SGCZ: variants seen among roughly 807,000 people sequenced by gnomAD.
SGCZ encodes the protein sarcoglycan zeta.
Under a neutral mutation model 41.3 loss-of-function variants are expected in SGCZ, and 40 were observed. The ratio of observed to expected loss-of-function variants is 0.97; its 90% confidence interval spans 0.75 to 1.26. The LOEUF (loss-of-function observed/expected upper bound fraction) is 1.26, where lower values mean the gene tolerates loss of function less well. Ranked by LOEUF, SGCZ falls within the 50% of genes most tolerant of loss-of-function variation. SGCZ has a pLI of 0.00. For synonymous variants in SGCZ, 206 were observed against 137.5 expected, an observed-to-expected ratio of 1.50 and a Z score of -3.49; for missense variants, 552 against 369.8, an observed-to-expected ratio of 1.49 and a Z score of -4.04.
chr8:14,748,249 G>A (rs954097149), intron 1 of SGCZ, among the ~76,000 whole-genome samples: 3 of 152,230 alleles, frequency 2.0e-5, no homozygotes, highest in South Asian at 2.1e-4. Context: ...TCATGTTACA[G>A]TTGAAGAATT....
chr8:14,435,403 T>C (rs776932918), intron 2 of SGCZ, among the ~76,000 whole-genome samples: 1 of 152,162 alleles, frequency 6.6e-6, no homozygotes, highest in Non-Finnish European at 1.5e-5. Flanking sequence ...ACTGAAGCAA[T>C]AGTCACATAG....
At chr8:14,413,292 G>C (rs1360164991) in intron 2 of SGCZ, among the ~76,000 whole-genome samples, 2 of 151,942 alleles carry the variant, frequency 1.3e-5, no homozygotes, top group African/African-American at 2.4e-5. Flanking sequence ...AGGAAGTTCA[G>C]AACACACGTT....
intron 4 of SGCZ, among the ~76,000 whole-genome samples, chr8:14,226,490 G>A (rs896033101): frequency 6.6e-6 from 1 of 152,028 alleles, no homozygotes; most frequent in African/African-American, 2.4e-5. Context: ...CATACAGTAT[G>A]TAAACTGCCA....
intron 1 of SGCZ, among the ~76,000 whole-genome samples, chr8:14,613,329 T>C (rs1183279218): frequency 6.6e-6 from 1 of 152,210 alleles, no homozygotes; most frequent in African/African-American, 2.4e-5. Context: ...TGAAGGAAAC[T>C]AGTAAGTTTA....
chr8:14,094,978 G>T (rs1232397056), intron 7 of SGCZ, among the ~76,000 whole-genome samples: 1 of 151,068 alleles, frequency 6.6e-6, no homozygotes, highest in African/African-American at 2.4e-5. Context: ...CTTTTTGATG[G>T]TTTTTTTTTC....
chr8:14,870,659 A>G (rs1431761524), intron 1 of SGCZ, among the ~76,000 whole-genome samples: 3 of 152,018 alleles, frequency 2.0e-5, no homozygotes, highest in South Asian at 2.1e-4. Flanking sequence ...AACCTACAGA[A>G]TGGGAGAAAA....
At chr8:14,224,075 T>C (rs1290599082) in intron 4 of SGCZ, among the ~76,000 whole-genome samples, 1 of 152,196 alleles carries the variant, frequency 6.6e-6, no homozygotes, top group African/African-American at 2.4e-5. Flanking sequence ...ATAAAGCACA[T>C]CTTTGACACT....
At chr8:14,536,915 G>T (rs1803314298) in intron 2 of SGCZ, among the ~76,000 whole-genome samples, 1 of 151,866 alleles carries the variant, frequency 6.6e-6, no homozygotes, top group Non-Finnish European at 1.5e-5. Context: ...TTCATCACTA[G>T]GAAGCTATAA....
At chr8:14,596,044 G>C (rs895270458) in intron 1 of SGCZ, among the ~76,000 whole-genome samples, 1 of 152,160 alleles carries the variant, frequency 6.6e-6, no homozygotes, top group African/African-American at 2.4e-5. Flanking sequence ...AATAATGAGA[G>C]GAATAAAACC....
chr8:14,412,577 T>G (rs1799389171), intron 2 of SGCZ, among the ~76,000 whole-genome samples: 1 of 152,084 alleles, frequency 6.6e-6, no homozygotes, highest in African/African-American at 2.4e-5. Context: ...ATACTCTGCA[T>G]TAACTTTAAG....
intron 2 of SGCZ, among the ~76,000 whole-genome samples, chr8:14,415,575 T>C (rs1471339): frequency 0.88 from 133,729 of 151,942 alleles, 59,357 homozygotes; most frequent in Non-Finnish European, 0.94. Context: ...AACATTACAG[T>C]AAGTGAGACA....
At chr8:14,901,455 T>TAG (rs1798966076) in intron 1 of SGCZ, among the ~76,000 whole-genome samples, 1 of 152,156 alleles carries the variant, frequency 6.6e-6, no homozygotes, top group African/African-American at 2.4e-5. Context: ...GCGTATACGT[T>TAG]TTTCCTTTCA....
intron 1 of SGCZ, among the ~76,000 whole-genome samples, chr8:14,819,413 G>T (rs1328998211): frequency 1.3e-5 from 2 of 152,018 alleles, no homozygotes; most frequent in African/African-American, 4.8e-5. Flanking sequence ...TCATCCCATT[G>T]TCTCCTAGCC....
At chr8:14,439,875 A>G (rs2117363885) in intron 2 of SGCZ, among the ~76,000 whole-genome samples, 1 of 152,064 alleles carries the variant, frequency 6.6e-6, no homozygotes, top group East Asian at 1.9e-4. Context: ...ATTCAGTCAC[A>G]TTTTCACAGT....
intron 1 of SGCZ, among the ~76,000 whole-genome samples, chr8:15,077,592 C>T (rs537724684): frequency 9.5e-4 from 144 of 152,248 alleles, no homozygotes; most frequent in African/African-American, 3.4e-3. Flanking sequence ...ATAACTTTAA[C>T]CTCCTTGTAT....
At chr8:14,114,391 TG>T (rs983281343) in intron 5 of SGCZ, among the ~76,000 whole-genome samples, 8 of 152,016 alleles carry the variant, frequency 5.3e-5, no homozygotes, top group Non-Finnish European at 4.4e-5. Flanking sequence ...TTTTTTCTAG[TG>T]AAACAGGGAA....
intron 2 of SGCZ, among the ~76,000 whole-genome samples, chr8:14,544,156 A>G (rs115455678): frequency 0.084 from 12,735 of 152,110 alleles, 1,753 homozygotes; most frequent in African/African-American, 0.29. Flanking sequence ...AAATTCTGAA[A>G]ATTTCATCTT....
At chr8:14,452,827 T>A (rs140787744) in intron 2 of SGCZ, among the ~76,000 whole-genome samples, 2 of 152,100 alleles carry the variant, frequency 1.3e-5, no homozygotes, top group Admixed American at 6.5e-5. Context: ...AGGGGCCGGG[T>A]GTGGACTCAC....
intron 2 of SGCZ, among the ~76,000 whole-genome samples, chr8:14,510,919 T>G (rs1160198591): frequency 6.6e-6 from 1 of 152,104 alleles, no homozygotes; most frequent in South Asian, 2.1e-4. Context: ...GATAGTGGCC[T>G]TCTCCCAGTT....
Sources: gnomAD v4.1 joint callset for allele counts (sites outside exome capture counted in the v4.1 genomes callset) on GRCh38, gnomAD v4.1.1 for gene constraint, MANE v1.5 for transcripts, NCBI Gene and HGNC (gene_info 2026-07-23, HGNC 2026-07-21) for gene names.